Variants in TPD52L1 observed in about 807,000 individuals in gnomAD.
TPD52L1 encodes TPD52 like 1, also known as tumor protein D53.
In TPD52L1, 18 loss-of-function variants were observed where a neutral mutation model predicts 28.7. The ratio of observed to expected loss-of-function variants is 0.63; its 90% CI spans 0.43 to 0.93. The LOEUF (loss-of-function observed/expected upper bound fraction) is 0.93. Ranked by LOEUF, TPD52L1 falls within the 40% of genes least tolerant of loss-of-function variation. The pLI, the probability that TPD52L1 is intolerant of heterozygous loss-of-function variation, is 0.00. For missense variants in TPD52L1, 203 were observed against 254.8 expected, an observed-to-expected ratio of 0.80 and a Z score of 1.39; for synonymous variants, 75 against 88.8, an observed-to-expected ratio of 0.84 and a Z score of 0.88.
chr6:125,254,921 C>T (rs969694860), intron 5 of TPD52L1, among the ~76,000 whole-genome samples: 1 of 152,184 alleles, frequency 6.6e-6, no homozygotes, highest in African/African-American at 2.4e-5. Context: ...CTCTTCTACA[C>T]TGGGGTTATG....
rs191311991 is a variant in TPD52L1 at position 125,156,778 on chromosome 6, T to A, written c.19+2808T>A. On this transcript the variant is annotated intron_variant, in intron 1 of 6. Coordinates refer to ENST00000534000, the MANE Select transcript of TPD52L1 (RefSeq NM_003287.4). Reference sequence around the variant, plus strand: ...GGCAAGACTCTGTCTCAAAAACAGATAAACAAAAAGAGAATAACAACAAAA... The same window carrying A: ...GGCAAGACTCTGTCTCAAAAACAGAAAAACAAAAAGAGAATAACAACAAAA... Among the ~76,000 whole-genome samples the A allele has an allele frequency of 3.8e-3, 583 of 152,008 alleles. 3 individuals carry two copies. Among genetic ancestry groups the A allele is most frequent in the African/African-American group, 0.013 (558 of 41,470 alleles).
At chr6:125,169,478 C>T (rs191663826) in intron 1 of TPD52L1, among the ~76,000 whole-genome samples, 204 of 152,272 alleles carry the variant, frequency 1.3e-3, no homozygotes, top group Non-Finnish European at 2.4e-3. Flanking sequence ...TATCCCTAGT[C>T]CTCCTAAGTT....
intron 3 of TPD52L1, among the ~76,000 whole-genome samples, chr6:125,233,367 A>G (rs1796066779): frequency 1.3e-5 from 2 of 152,282 alleles, no homozygotes; most frequent in Middle Eastern, 3.4e-3. Flanking sequence ...ATTAATGGTC[A>G]GGAATTCTTA....
chr6:125,235,755 G>A (rs1796228571), intron 3 of TPD52L1, among the ~76,000 whole-genome samples: 1 of 152,194 alleles, frequency 6.6e-6, no homozygotes, highest in Non-Finnish European at 1.5e-5. Context: ...GAAATATGAT[G>A]GTTAGCTGGG....
At chr6:125,211,285 A>G (rs1794483407) in intron 1 of TPD52L1, among the ~76,000 whole-genome samples, 2 of 150,942 alleles carry the variant, frequency 1.3e-5, no homozygotes, top group East Asian at 2.0e-4. Flanking sequence ...CTATCTATCT[A>G]TCTATCTATC....
chr6:125,205,546 G>A (rs752329907), intron 1 of TPD52L1, among the ~76,000 whole-genome samples: 1 of 152,160 alleles, frequency 6.6e-6, no homozygotes, highest in Admixed American at 6.5e-5. Context: ...GTCTCTGGAG[G>A]TGAATAGGAG....
intron 3 of TPD52L1, among the ~76,000 whole-genome samples, chr6:125,231,698 T>A (rs1250902395): frequency 6.6e-6 from 1 of 152,088 alleles, no homozygotes. Flanking sequence ...GGAGAACAGA[T>A]CAACAGTGGT....
chr6:125,242,394 A>G (rs1164674839), intron 3 of TPD52L1, among the ~76,000 whole-genome samples: 1 of 152,106 alleles, frequency 6.6e-6, no homozygotes, highest in Non-Finnish European at 1.5e-5. Flanking sequence ...GTAGTATTAA[A>G]GTCCCCCACT....
intron 1 of TPD52L1, among the ~76,000 whole-genome samples, chr6:125,187,136 G>C (rs921016135): frequency 1.3e-5 from 2 of 152,138 alleles, no homozygotes; most frequent in African/African-American, 4.8e-5. Flanking sequence ...AAAATAGGCA[G>C]ATAATTTGAA....
intron 6 of TPD52L1, chr6:125,261,010 GAAAGAAAGAAAAGAA>G: frequency 3.6e-5 from 1 of 27,474 alleles, no homozygotes; most frequent in South Asian, 1.8e-3. Context: ...AAGAAAGAAA[GAAAGAAAGAAAAGAA>G]AAGAAAGAAA....
chr6:125,168,294 T>C (rs1270702406), intron 1 of TPD52L1, among the ~76,000 whole-genome samples: 1 of 152,152 alleles, frequency 6.6e-6, no homozygotes, highest in Non-Finnish European at 1.5e-5. Flanking sequence ...GTTCTTTGAC[T>C]CTTGACCCAT....
intron 1 of TPD52L1, among the ~76,000 whole-genome samples, chr6:125,185,521 C>G (rs767778071): frequency 6.6e-6 from 1 of 151,892 alleles, no homozygotes; most frequent in Non-Finnish European, 1.5e-5. Context: ...AAGAAACACA[C>G]TTGGGACAAA....
At chr6:125,211,084 T>G (rs1457992568) in intron 1 of TPD52L1, among the ~76,000 whole-genome samples, 1 of 152,200 alleles carries the variant, frequency 6.6e-6, no homozygotes, top group East Asian at 1.9e-4. Flanking sequence ...TAGGCAAGTA[T>G]GTAGTTTTTT....
intron 1 of TPD52L1, among the ~76,000 whole-genome samples, chr6:125,182,203 C>T (rs750102055): frequency 3.2e-4 from 48 of 152,290 alleles, no homozygotes; most frequent in Non-Finnish European, 5.6e-4. Context: ...GGGCATCATA[C>T]AAACCAATTT....
chr6:125,165,573 C>T (rs776327382), intron 1 of TPD52L1, among the ~76,000 whole-genome samples: 1 of 152,188 alleles, frequency 6.6e-6, no homozygotes, highest in African/African-American at 2.4e-5. Context: ...ATGTACCACA[C>T]ATGAAAAATG....
At chr6:125,174,322 T>G (rs1021752937) in intron 1 of TPD52L1, among the ~76,000 whole-genome samples, 6 of 152,184 alleles carry the variant, frequency 3.9e-5, no homozygotes, top group Admixed American at 3.3e-4. Context: ...AGCAGTTAGG[T>G]GTCAAGTAAC....
intron 1 of TPD52L1, among the ~76,000 whole-genome samples, chr6:125,196,824 G>C (rs772025819): frequency 2.6e-5 from 4 of 152,142 alleles, no homozygotes; most frequent in African/African-American, 9.7e-5. Context: ...GGAGGTGAGC[G>C]TGAATAAGAA....
At chr6:125,252,202 A>G in intron 4 of TPD52L1, 1 of 651,398 alleles carries the variant, frequency 1.5e-6, no homozygotes. Context: ...CACTTAATAC[A>G]TTTGAACTTA....
chr6:125,263,064 C>G lies in TPD52L1; in HGVS notation c.*102C>G. 1 of 1,388,578 alleles carries G rather than the reference C, an allele frequency of 7.2e-7. No homozygotes were observed. Among genetic ancestry groups the G allele is most frequent in the Non-Finnish European group, 9.5e-7 (1 of 1,055,648 alleles). The allele number at this position is 1,388,578 out of a possible 1,614,324, so 86.0% of individuals were successfully genotyped here. A position where few individuals can be genotyped will look rare whatever the true frequency, so the allele number is the denominator to read the frequency against. On this transcript the variant is annotated 3_prime_UTR_variant, in exon 7 of 7. Coordinates refer to ENST00000534000, the MANE Select transcript of TPD52L1 (RefSeq NM_003287.4). ...AGACCAAAATCCCGCTGGGAAAAACCCAGGCCTTGACATTGTTATTCAAAT... is the reference window on the plus strand; with the variant it reads ...AGACCAAAATCCCGCTGGGAAAAACGCAGGCCTTGACATTGTTATTCAAAT...
Sources: gnomAD v4.1 joint callset for allele counts (sites outside exome capture counted in the v4.1 genomes callset) on GRCh38, gnomAD v4.1.1 for gene constraint, MANE v1.5 for transcripts, NCBI Gene and HGNC (gene_info 2026-07-23, HGNC 2026-07-21) for gene names.